ARHGEF9: variants seen among roughly 807,000 people sequenced by gnomAD.
ARHGEF9 encodes Cdc42 guanine nucleotide exchange factor 9, also known as rho guanine nucleotide exchange factor 9.
A neutral mutation model predicts 41.3 loss-of-function variants in ARHGEF9; 2 were observed. The observed-to-expected ratio is 0.05, with a 90% confidence interval of 0.02 to 0.15. The LOEUF is 0.15. ARHGEF9 is among the 10% of genes least tolerant of loss of function. The probability of loss-of-function intolerance (pLI) is 1.00; values close to 1 mark genes in which losing one functional copy is unlikely to be tolerated. For synonymous variants in ARHGEF9, 160 were observed against 154.4 expected, an observed-to-expected ratio of 1.04 and a Z score of -0.27; for missense variants, 225 against 424.7, an observed-to-expected ratio of 0.53 and a Z score of 4.13.
intron 1 of ARHGEF9, 42 bp downstream of exon 1, chrX:63,785,074 T>C: frequency 8.6e-7 from 1 of 1,161,810 alleles, no homozygotes; most frequent in Non-Finnish European, 1.1e-6. Flanking sequence ...GCTGGGGGAC[T>C]GAGAGGCTCA....
intron 1 of ARHGEF9, among the ~76,000 whole-genome samples, chrX:63,781,219 A>T (rs1262563619): frequency 8.9e-6 from 1 of 112,211 alleles, no homozygotes; most frequent in Non-Finnish European, 1.9e-5. Flanking sequence ...AATAATAAAT[A>T]GTACTGATTA....
chrX:63,762,793 CCTT>C (rs2056055364), intron 1 of ARHGEF9, among the ~76,000 whole-genome samples: 1 of 111,542 alleles, frequency 9.0e-6, no homozygotes, highest in South Asian at 3.8e-4. Context: ...CATTCTACCT[CCTT>C]AACTTCGTCT....
intron 9 of ARHGEF9, chrX:63,639,888 A>G (rs781806966): frequency 8.9e-6 from 1 of 111,735 alleles, no homozygotes; most frequent in East Asian, 2.8e-4. Flanking sequence ...AAATGATCTC[A>G]CTCAAATGTA....
intron 1 of ARHGEF9, among the ~76,000 whole-genome samples, chrX:63,730,037 T>C (rs1320250283): frequency 8.9e-6 from 1 of 111,857 alleles, no homozygotes; most frequent in African/African-American, 3.3e-5. Flanking sequence ...ATGATTGCTA[T>C]ACCCTGGAGG....
At chrX:63,731,506 C>T (rs2054279801) in intron 1 of ARHGEF9, among the ~76,000 whole-genome samples, 1 of 107,743 alleles carries the variant, frequency 9.3e-6, no homozygotes, top group Non-Finnish European at 1.9e-5. Context: ...GAAAATCTGC[C>T]AGTAACTCAC....
At chrX:63,770,636 C>G (rs1446106015) in intron 1 of ARHGEF9, among the ~76,000 whole-genome samples, 1 of 111,673 alleles carries the variant, frequency 9.0e-6, no homozygotes, top group Non-Finnish European at 1.9e-5. Context: ...GTGTCCCCAC[C>G]CAAATCTCAC....
At chrX:63,686,084 A>G (rs1306028140) in intron 4 of ARHGEF9, among the ~76,000 whole-genome samples, 1 of 111,960 alleles carries the variant, frequency 8.9e-6, no homozygotes, top group Non-Finnish European at 1.9e-5. Context: ...TACCGCAGCA[A>G]CATTCATAAT....
chrX:63,746,023 C>A (rs1556433329), intron 1 of ARHGEF9, among the ~76,000 whole-genome samples: 1 of 112,347 alleles, frequency 8.9e-6, no homozygotes, highest in East Asian at 2.8e-4. Flanking sequence ...AAACCACTCT[C>A]ATTTTAGTGA....
intron 2 of ARHGEF9, among the ~76,000 whole-genome samples, chrX:63,716,684 G>A (rs1241457428): frequency 8.9e-6 from 1 of 111,751 alleles, no homozygotes; most frequent in African/African-American, 3.3e-5. Flanking sequence ...CCTGACGTTG[G>A]ACCAATAATA....
intron 9 of ARHGEF9, chrX:63,638,514 A>G (rs1556301839): frequency 1.5e-5 from 6 of 392,457 alleles, no homozygotes; most frequent in East Asian, 1.1e-4. Flanking sequence ...ACCCAAGGTC[A>G]CATGGTAAGT....
intron 4 of ARHGEF9, among the ~76,000 whole-genome samples, chrX:63,691,684 A>C (rs1243643282): frequency 2.7e-5 from 3 of 111,389 alleles, no homozygotes; most frequent in Non-Finnish European, 5.7e-5. Flanking sequence ...AATGACATTC[A>C]CCACAGAAAT....
chrX:63,731,362 C>T (rs782776137), intron 1 of ARHGEF9, among the ~76,000 whole-genome samples: 35 of 110,665 alleles, frequency 3.2e-4, no homozygotes, highest in East Asian at 5.6e-4. Context: ...GCCTTGAAAA[C>T]GCTCTGGCTA....
chrX:63,650,846 A>G (rs2048498393), intron 8 of ARHGEF9, among the ~76,000 whole-genome samples: 1 of 110,890 alleles, frequency 9.0e-6, no homozygotes, highest in Admixed American at 9.7e-5. Flanking sequence ...GAGAAAATAA[A>G]AATATATGAA....
At chrX:63,691,301 C>T (rs1490780322) in intron 4 of ARHGEF9, among the ~76,000 whole-genome samples, 2 of 110,910 alleles carry the variant, frequency 1.8e-5, no homozygotes, top group South Asian at 7.5e-4. Flanking sequence ...TTGCAGGATA[C>T]AAAATCAACA....
intron 1 of ARHGEF9, among the ~76,000 whole-genome samples, chrX:63,774,629 G>A (rs2056260440): frequency 9.0e-6 from 1 of 110,859 alleles, no homozygotes; most frequent in Non-Finnish European, 1.9e-5. Context: ...CCTCTGCTTG[G>A]AACAACTCAT....
chrX:63,649,895 T>G (rs1330271714), intron 8 of ARHGEF9, among the ~76,000 whole-genome samples: 8 of 111,905 alleles, frequency 7.1e-5, no homozygotes, highest in Non-Finnish European at 1.9e-5. Context: ...AATGATTTTC[T>G]GATTTTGTAA....
chrX:63,713,701 T>TACACACACACACACACACACACAC (rs59012226), intron 2 of ARHGEF9, among the ~76,000 whole-genome samples: 1 of 94,291 alleles, frequency 1.1e-5, no homozygotes, highest in African/African-American at 4.0e-5. Flanking sequence ...CCACTTCACA[T>TACACACACACACACACACACACAC]ACACACACAC....
chrX:63,753,842 C>A (rs2055809344), intron 1 of ARHGEF9, among the ~76,000 whole-genome samples: 1 of 111,927 alleles, frequency 8.9e-6, no homozygotes, highest in African/African-American at 3.3e-5. Context: ...CACAACACAC[C>A]CGTGTCACTT....
chrX:63,715,367 G>T lies in ARHGEF9; in HGVS notation c.211-8918C>A, dbSNP rs1292936796. Among the ~76,000 whole-genome samples the T allele has an allele frequency of 2.7e-5, 3 of 111,337 alleles. No homozygotes were observed. The East Asian group carries it at 8.4e-4, about 31-fold the overall frequency. Reference sequence around the variant, plus strand: ...GATTTCATGATGAAAGCCACGCTAAGCAGAATGCTGAAATCAAGCTGACCT... The same window carrying T: ...GATTTCATGATGAAAGCCACGCTAATCAGAATGCTGAAATCAAGCTGACCT... On this transcript the variant is annotated intron_variant, in intron 2 of 9. Transcript: ENST00000671741.
Sources: gnomAD v4.1 joint callset for allele counts (sites outside exome capture counted in the v4.1 genomes callset) on GRCh38, gnomAD v4.1.1 for gene constraint, MANE v1.5 for transcripts, NCBI Gene and HGNC (gene_info 2026-07-23, HGNC 2026-07-21) for gene names.